DDIAS: variants seen among roughly 807,000 people sequenced by gnomAD.
DDIAS encodes DNA damage-induced apoptosis suppressor protein.
In DDIAS, 14 loss-of-function variants were observed where a neutral mutation model predicts 15.7. That is an observed-to-expected ratio of 0.89 (90% CI 0.59 to 1.39). The LOEUF (loss-of-function observed/expected upper bound fraction) is 1.39. Among genes scored for constraint, DDIAS ranks in the 40% most tolerant of loss-of-function variants. The pLI, the probability that DDIAS is intolerant of heterozygous loss-of-function variation, is 0.00. For missense variants in DDIAS, 1,035 were observed against 1,130.9 expected, an observed-to-expected ratio of 0.92 and a Z score of 1.22; for synonymous variants, 355 against 395.9, an observed-to-expected ratio of 0.90 and a Z score of 1.23.
chr11:82,902,597 T>A (rs1860343791), intron 1 of DDIAS, among the ~76,000 whole-genome samples: 1 of 152,206 alleles, frequency 6.6e-6, no homozygotes, highest in African/African-American at 2.4e-5. Flanking sequence ...TTTGCCTGGC[T>A]CTTCAGCCCT....
At chr11:82,902,591 C>G (rs1860343707) in intron 1 of DDIAS, among the ~76,000 whole-genome samples, 1 of 152,180 alleles carries the variant, frequency 6.6e-6, no homozygotes, top group Non-Finnish European at 1.5e-5. Context: ...CTGACTTTTG[C>G]CTGGCTCTTC....
Position 82,932,396 on chromosome 11 carries a change from C to CA in DDIAS, c.1062dup (p.Ser355IlefsTer9). 6.2e-7 allele frequency: 1 copy of CA among 1,614,038 alleles called. No individual in the cohort carries two copies. Among genetic ancestry groups the CA allele is most frequent in the Middle Eastern group, 1.7e-4 (1 of 6,060 alleles). On this transcript the variant is annotated frameshift_variant, in exon 6 of 6. Transcript: ENST00000533655. LOFTEE classifies it low-confidence loss of function (END_TRUNC). ...CGAGAGCCCCTTGAGTCAAGTAATA[C>CA]AAAATCCTTCCACAGTGCAGTGGAA...
rs1183333362 is a variant in DDIAS at position 82,910,342 on chromosome 11, A to G, written c.-116-2945A>G. On this transcript the variant is annotated intron_variant, in intron 1 of 5. Coordinates refer to ENST00000533655, the MANE Select transcript of DDIAS (RefSeq NM_145018.4). Reference sequence around the variant, plus strand: ...GTGGCCCAGGCTGGAGTGCAGTGGCATGATCTCGGCTCACTGCAACCTCCG... The same window carrying G: ...GTGGCCCAGGCTGGAGTGCAGTGGCGTGATCTCGGCTCACTGCAACCTCCG... Among the ~76,000 whole-genome samples the G allele has an allele frequency of 3.4e-5, 5 of 147,088 alleles. No individual in the cohort carries two copies. The East Asian group carries it at 6.0e-4, about 18-fold the overall frequency.
intron 3 of DDIAS, among the ~76,000 whole-genome samples, chr11:82,924,707 C>G (rs1035267619): frequency 2.6e-5 from 4 of 151,982 alleles, no homozygotes; most frequent in South Asian, 4.1e-4. Context: ...CCCAGCTGCT[C>G]AGGAGTCTGA....
intron 1 of DDIAS, among the ~76,000 whole-genome samples, chr11:82,905,148 A>G (rs1203277289): frequency 2.6e-5 from 4 of 152,174 alleles, no homozygotes; most frequent in South Asian, 2.1e-4. Context: ...GCATAAGTCT[A>G]TTGGAGCCTT....
rs1289389692 is a variant in DDIAS, at chr11:82,932,839, G to A, written c.1501G>A (p.Gly501Arg). 6.2e-7 allele frequency: 1 copy of A among 1,613,242 alleles called. No individual in the cohort carries two copies. Among genetic ancestry groups the A allele is most frequent in the Non-Finnish European group, 8.5e-7 (1 of 1,179,978 alleles). ...AGATGACTTCCTTTTCAACTGTAAA[G>A]GAAATCTAAGTCCTAGTGTTGAAAA... ...SKDDFLFNCK[G>R]NLSPSVEKES... Residue 501 changes from glycine (G) to arginine (R), a missense_variant, in exon 6 of 6, where the codon GGA becomes AGA. Transcript: ENST00000533655.
chr11:82,911,137 G>A (rs965712854), intron 1 of DDIAS, among the ~76,000 whole-genome samples: 14 of 152,196 alleles, frequency 9.2e-5, no homozygotes, highest in African/African-American at 3.4e-4. Context: ...TTGCCTCAGT[G>A]TTGATGGTTG....
intron 5 of DDIAS, 125 bp downstream of exon 5, chr11:82,930,399 A>C: frequency 1.5e-6 from 1 of 673,060 alleles, no homozygotes; most frequent in South Asian, 2.0e-5. Context: ...ACTTTAAACT[A>C]TGTAAAAATA....
intron 3 of DDIAS, among the ~76,000 whole-genome samples, chr11:82,921,693 C>T (rs1860758162): frequency 6.6e-6 from 1 of 150,976 alleles, no homozygotes. Context: ...ATTCTCCTGC[C>T]TCAGCCTCCC....
intron 3 of DDIAS, among the ~76,000 whole-genome samples, chr11:82,925,462 G>T (rs1365504627): frequency 1.3e-5 from 2 of 152,170 alleles, no homozygotes; most frequent in African/African-American, 4.8e-5. Flanking sequence ...GCCACATATG[G>T]TGGCATGTGC....
intron 3 of DDIAS, 36 bp downstream of exon 3, chr11:82,914,887 A>G (rs1860602038): frequency 1.5e-6 from 2 of 1,331,244 alleles, no homozygotes; most frequent in Admixed American, 3.8e-5. Context: ...GAGAGGAAAT[A>G]CAAATGCACA....
rs759181935 is a variant in DDIAS, at chr11:82,932,089, C to A, written c.751C>A (p.Gln251Lys). Residue 251 changes from glutamine (Q) to lysine (K), a missense_variant, in exon 6 of 6, where the codon CAA becomes AAA. Gln to Lys is a moderately conservative substitution (Grantham distance 53). Transcript: ENST00000533655. The part of the protein sequence containing the change: ...PSLEFTCIVS[Q>K]LTDNDDFSAS... ...ACTTGAATTCACTTGCATTGTTTCA[C>A]AACTAACAGATAATGATGATTTTTC... 1 of 1,614,084 alleles carries A rather than the reference C, an allele frequency of 6.2e-7. No individual in the cohort carries two copies.
rs1482830251 is a variant in DDIAS at position 82,904,921 on chromosome 11, A to T, written c.-117+3099A>T. Among the ~76,000 whole-genome samples, 8 of 152,360 alleles carry T rather than the reference A, an allele frequency of 5.3e-5. No individual in the cohort carries two copies. The East Asian group carries it at 1.5e-3, about 29-fold the overall frequency. ...ACTTTCTGTTTATAATTTTAGTATAATATGAGGTTATACCAAATATACAAA... is the reference window on the plus strand; with the variant it reads ...ACTTTCTGTTTATAATTTTAGTATATTATGAGGTTATACCAAATATACAAA... On this transcript the variant is annotated intron_variant, in intron 1 of 5. Transcript: ENST00000533655.
chr11:82,917,676 T>G (rs1012147724), intron 3 of DDIAS, among the ~76,000 whole-genome samples: 2 of 152,222 alleles, frequency 1.3e-5, no homozygotes, highest in Non-Finnish European at 2.9e-5. Context: ...GTGGGATTGC[T>G]GGATCAAATA....
intron 2 of DDIAS, 89 bp from the exon 3 acceptor site, chr11:82,914,634 C>T: frequency 1.7e-6 from 1 of 604,598 alleles, no homozygotes; most frequent in East Asian, 3.1e-5. Context: ...ATTAGCTTTG[C>T]AGTAGAGGTT....
chr11:82,908,639 A>C (rs1033791885), intron 1 of DDIAS, among the ~76,000 whole-genome samples: 1 of 152,240 alleles, frequency 6.6e-6, no homozygotes, highest in African/African-American at 2.4e-5. Context: ...ATTTATACTT[A>C]AAGTTCCACC....
At chr11:82,915,545 T>G (rs1360525698) in intron 3 of DDIAS, among the ~76,000 whole-genome samples, 1 of 152,212 alleles carries the variant, frequency 6.6e-6, no homozygotes, top group African/African-American at 2.4e-5. Context: ...AGAAAAGGAT[T>G]GGCAGTTCTA....
chr11:82,903,601 C>T (rs1860370289), intron 1 of DDIAS, among the ~76,000 whole-genome samples: 1 of 152,208 alleles, frequency 6.6e-6, no homozygotes, highest in Non-Finnish European at 1.5e-5. Flanking sequence ...AATTTTCACT[C>T]TCCTGCCTGC....
chr11:82,909,421 A>G (rs1029539171), intron 1 of DDIAS: 12 of 152,082 alleles, frequency 7.9e-5, no homozygotes, highest in African/African-American at 2.7e-4. Context: ...ATCTTATCCT[A>G]TGACTTAGAA....
Sources: gnomAD v4.1 joint callset for allele counts (sites outside exome capture counted in the v4.1 genomes callset) on GRCh38, gnomAD v4.1.1 for gene constraint, MANE v1.5 for transcripts, NCBI Gene and HGNC (gene_info 2026-07-23, HGNC 2026-07-21) for gene names.